Variants in ITGAM observed in about 807,000 individuals in gnomAD.
ITGAM encodes the protein integrin alpha-M.
Under a neutral mutation model 137.5 loss-of-function variants are expected in ITGAM, and 79 were observed. The observed-to-expected ratio is 0.57, with a 90% CI of 0.48 to 0.69. ITGAM has a LOEUF of 0.69. ITGAM is among the 30% of genes least tolerant of loss of function. The probability of loss-of-function intolerance (pLI) is 0.00; values close to 1 mark genes in which losing one functional copy is unlikely to be tolerated. For synonymous variants in ITGAM, 583 were observed against 592.3 expected, an observed-to-expected ratio of 0.98 and a Z score of 0.23; for missense variants, 1,343 against 1,483.5, an observed-to-expected ratio of 0.91 and a Z score of 1.56.
intron 11 of ITGAM, among the ~76,000 whole-genome samples, 154 bp downstream of exon 11, chr16:31,277,203 T>A (rs565036738): frequency 1.4e-5 from 2 of 147,840 alleles, no homozygotes; most frequent in Non-Finnish European, 3.0e-5. Context: ...GAAACTTCAA[T>A]TTTTTTTTTT....
At chr16:31,311,393 A>T (rs1485366321) in intron 14 of ITGAM, among the ~76,000 whole-genome samples, 1 of 152,194 alleles carries the variant, frequency 6.6e-6, no homozygotes, top group Non-Finnish European at 1.5e-5. Context: ...CATCTGACAA[A>T]GGGGTAATAT....
In ITGAM at chr16:31,297,598, C is replaced by T. The variant is rs775421532; in HGVS notation, c.1441C>T (p.His481Tyr). 3 of 1,612,912 alleles carry T rather than the reference C, an allele frequency of 1.9e-6. No individual in the cohort carries two copies. The highest frequency in any genetic ancestry group is 2.5e-6 in the Non-Finnish European group (3 of 1,179,910). The part of the protein sequence containing the change: ...STDLVLIGAP[H>Y]YYEQTRGGQV... ...CGACCTGGTCCTCATCGGGGCCCCC[C>T]ATTACTACGAGCAGACCCGAGGGGG... The change falls in exon 13 of 30, where the codon CAT becomes TAT. Residue 481 changes from histidine (H) to tyrosine (Y), a missense_variant. Coordinates refer to ENST00000544665, the MANE Select transcript of ITGAM (RefSeq NM_000632.4).
At chr16:31,278,234 T>A in intron 12 of ITGAM, 125 bp downstream of exon 12, 1 of 972,848 alleles carries the variant, frequency 1.0e-6, no homozygotes, top group Non-Finnish European at 1.5e-6. Context: ...GGCTGTGAGC[T>A]GGGGAGTTGT....
Position 31,263,323 on chromosome 16 carries a change from T to A in ITGAM, c.134+1526T>A, listed in dbSNP as rs2079726309. Among the ~76,000 whole-genome samples, 3 of 152,250 alleles carry A rather than the reference T, an allele frequency of 2.0e-5. No homozygotes were observed. In the South Asian group the frequency reaches 6.2e-4, roughly 31 times the overall value. Reference sequence around the variant, plus strand: ...CAAACTTTTGCTCTATGAACAATGCTGTCATTTTGCACATGTGCAAGCCTA... The same window carrying A: ...CAAACTTTTGCTCTATGAACAATGCAGTCATTTTGCACATGTGCAAGCCTA... On this transcript the variant is annotated intron_variant, in intron 2 of 29. Transcript: ENST00000544665.
chr16:31,300,460 CAAT>C (rs900540395), intron 14 of ITGAM, among the ~76,000 whole-genome samples: 2 of 152,128 alleles, frequency 1.3e-5, no homozygotes, highest in African/African-American at 4.8e-5. Flanking sequence ...GTTTTTTTGG[CAAT>C]AGCCAGGCTA....
At chr16:31,322,534 C>T (rs1452927651) in intron 16 of ITGAM, among the ~76,000 whole-genome samples, 3 of 152,186 alleles carry the variant, frequency 2.0e-5, no homozygotes, top group Admixed American at 6.5e-5. Context: ...AGCCAAAGAG[C>T]TGATCAGAGA....
At chr16:31,290,607 C>CA (rs1456552226) in intron 12 of ITGAM, among the ~76,000 whole-genome samples, 1 of 151,986 alleles carries the variant, frequency 6.6e-6, no homozygotes, top group Admixed American at 6.5e-5. Context: ...AGAGCATTTA[C>CA]AAAAAATCTC....
chr16:31,302,353 A>T (rs922825457), intron 14 of ITGAM, among the ~76,000 whole-genome samples: 1 of 152,138 alleles, frequency 6.6e-6, no homozygotes, highest in Non-Finnish European at 1.5e-5. Context: ...TAATTAGCCA[A>T]AGGAAGAACA....
At chr16:31,272,094 CTTCCCCACCGGCAGA>C (rs1212435658) in intron 7 of ITGAM, 102 bp downstream of exon 7, 2 of 1,397,774 alleles carry the variant, frequency 1.4e-6, no homozygotes, top group East Asian at 4.6e-5. Flanking sequence ...GTAGAGGATG[CTTCCCCACCGGCAGA>C]GGTGGGGAGG....
At chr16:31,305,754 A>C (rs1396461197) in intron 14 of ITGAM, among the ~76,000 whole-genome samples, 1 of 152,036 alleles carries the variant, frequency 6.6e-6, no homozygotes, top group African/African-American at 2.4e-5. Flanking sequence ...TGTTTATGTG[A>C]TGTATCACAT....
At chr16:31,280,009 T>G (rs1360487980) in intron 12 of ITGAM, among the ~76,000 whole-genome samples, 3 of 137,246 alleles carry the variant, frequency 2.2e-5, no homozygotes, top group African/African-American at 1.0e-4. Flanking sequence ...TTTCCCCATT[T>G]CTTGTTTTTT....
chr16:31,281,309 T>C (rs59952132), intron 12 of ITGAM, among the ~76,000 whole-genome samples: 4,933 of 152,274 alleles, frequency 0.032, 292 homozygotes, highest in African/African-American at 0.11. Context: ...ATCTCCTCCT[T>C]GTACCTCTGG....
At chr16:31,311,613 A>G (rs1032367303) in intron 14 of ITGAM, among the ~76,000 whole-genome samples, 5 of 152,356 alleles carry the variant, frequency 3.3e-5, no homozygotes, top group African/African-American at 1.2e-4. Flanking sequence ...TAGAATGGCA[A>G]TCATTAAAAA....
chr16:31,289,817 C>T (rs1320264827), intron 12 of ITGAM, among the ~76,000 whole-genome samples: 1 of 152,162 alleles, frequency 6.6e-6, no homozygotes, highest in Non-Finnish European at 1.5e-5. Flanking sequence ...CCCAGTGGCT[C>T]ACGCCTGTAA....
chr16:31,306,005 TTCTC>T (rs1315869248), intron 14 of ITGAM, among the ~76,000 whole-genome samples: 2 of 152,160 alleles, frequency 1.3e-5, no homozygotes, highest in African/African-American at 4.8e-5. Context: ...GATTCCCTCT[TTCTC>T]TATCTTTTGG....
intron 5 of ITGAM, among the ~76,000 whole-genome samples, chr16:31,269,565 T>A (rs1328486629): frequency 6.6e-6 from 1 of 152,174 alleles, no homozygotes; most frequent in Non-Finnish European, 1.5e-5. Flanking sequence ...ACTGTCTCAG[T>A]CATAATTTTG....
At chr16:31,329,996 C>T in intron 25 of ITGAM, 85 bp from the exon 26 acceptor site, 1 of 1,542,798 alleles carries the variant, frequency 6.5e-7, no homozygotes, top group Non-Finnish European at 8.8e-7. Flanking sequence ...CTCCGCCCCT[C>T]TCCTGGACCC....
chr16:31,328,108 G>T, intron 22 of ITGAM, 39 bp from the exon 23 acceptor site: 1 of 1,516,768 alleles, frequency 6.6e-7, no homozygotes, highest in Non-Finnish European at 9.2e-7. Context: ...CTAACTGTCA[G>T]TTCTCAAGAG....
At chr16:31,269,509 T>C (rs1213584937) in intron 5 of ITGAM, among the ~76,000 whole-genome samples, 2 of 152,176 alleles carry the variant, frequency 1.3e-5, no homozygotes, top group Admixed American at 6.6e-5. Flanking sequence ...CACGGACAGC[T>C]TGGAGGTTAG....
Sources: allele counts gnomAD v4.1 joint callset (sites outside exome capture counted in the v4.1 genomes callset), GRCh38; gene constraint gnomAD v4.1.1; transcripts MANE v1.5; gene names NCBI Gene and HGNC (gene_info 2026-07-23, HGNC 2026-07-21).